The following MEMO1 variants were observed in gnomAD, a reference collection of about 807,000 sequenced individuals.
MEMO1 encodes the protein protein MEMO1.
MEMO1 carries 6 observed loss-of-function variants against 45.2 expected under a neutral mutation model. The observed-to-expected ratio is 0.13, with a 90% CI of 0.07 to 0.26. The LOEUF is 0.26. Ranked by LOEUF, MEMO1 falls within the 10% of genes least tolerant of loss-of-function variation. The pLI is 1.00. For synonymous variants in MEMO1, 78 were observed against 124.3 expected (o/e 0.63, Z 2.48); for missense variants, 184 against 370.5 (o/e 0.50, Z 4.13).
Position 31,891,981 on chromosome 2 carries a change from C to A in MEMO1, c.580+11G>T. 1 of 1,608,704 alleles carries A rather than the reference C, an allele frequency of 6.2e-7. No individual in the cohort carries two copies. The highest frequency in any genetic ancestry group is 1.1e-5 in the South Asian group (1 of 90,792). Reference sequence around the variant, plus strand: ...AACATCTACCATGATATGTTAAAATCTAGAACTTACCCCAATGGCAGAAAT... The same window carrying A: ...AACATCTACCATGATATGTTAAAATATAGAACTTACCCCAATGGCAGAAAT... On this transcript the variant is annotated intron_variant, in intron 7 of 9. Coordinates refer to ENST00000404530, the MANE Select transcript of MEMO1 (RefSeq NM_001301833.4).
Position 31,992,092 on chromosome 2 carries a change from TTC to T in MEMO1, c.61+18093_61+18094del, listed in dbSNP as rs1429307677. Among the ~76,000 whole-genome samples the T allele has an allele frequency of 3.3e-5, 5 of 152,188 alleles. No individual in the cohort carries two copies. The South Asian group carries it at 6.2e-4, about 19-fold the overall frequency. On this transcript the variant is annotated intron_variant, in intron 2 of 9. Coordinates refer to ENST00000404530, the MANE Select transcript of MEMO1 (RefSeq NM_001301833.4). ...AGCTTAACAAAAATTCTTAAATTAT[TTC>T]TGTCACTTTTCCTAATAGTCAACAT...
intron 9 of MEMO1, 38 bp from the exon 10 acceptor site, chr2:31,868,530 A>T (rs757369264): frequency 1.6e-5 from 24 of 1,543,812 alleles, no homozygotes; most frequent in Non-Finnish European, 2.1e-5. Context: ...CACACATCAC[A>T]TAAAAAACTG....
intron 6 of MEMO1, among the ~76,000 whole-genome samples, chr2:31,905,358 T>A (rs1434305804): frequency 6.6e-6 from 1 of 152,222 alleles, no homozygotes; most frequent in East Asian, 1.9e-4. Flanking sequence ...AACATTTAAG[T>A]CATTATAAAT....
chr2:31,943,524 T>C (rs1000956049), intron 2 of MEMO1, 141 bp from the exon 3 acceptor site: 226 of 677,932 alleles, frequency 3.3e-4, no homozygotes, highest in Non-Finnish European at 3.9e-4. Context: ...GATGTTAATG[T>C]TTGAATTTAC....
chr2:31,955,099 G>A (rs780530761), intron 2 of MEMO1, among the ~76,000 whole-genome samples: 13 of 151,920 alleles, frequency 8.6e-5, no homozygotes, highest in Non-Finnish European at 5.9e-5. Flanking sequence ...AAAATTAGCC[G>A]GGTGTGGTGG....
intron 5 of MEMO1, among the ~76,000 whole-genome samples, chr2:31,920,164 C>A (rs992715894): frequency 7.3e-6 from 1 of 137,652 alleles, no homozygotes; most frequent in Non-Finnish European, 1.5e-5. Context: ...TAAAATTACT[C>A]CCCCCCCCAA....
intron 2 of MEMO1, among the ~76,000 whole-genome samples, chr2:31,981,243 T>TA (rs1558551825): frequency 1.3e-5 from 2 of 152,176 alleles, no homozygotes; most frequent in Non-Finnish European, 2.9e-5. Flanking sequence ...CAGGAGTAGT[T>TA]AGAGTAAAGT....
chr2:31,905,114 G>A (rs1679472179), intron 6 of MEMO1, among the ~76,000 whole-genome samples: 1 of 152,124 alleles, frequency 6.6e-6, no homozygotes, highest in Admixed American at 6.6e-5. Context: ...CACACCTGCA[G>A]TCCCAGCTAT....
At chr2:31,880,845 C>A (rs1158040608) in intron 8 of MEMO1, among the ~76,000 whole-genome samples, 1 of 151,270 alleles carries the variant, frequency 6.6e-6, no homozygotes, top group African/African-American at 2.4e-5. Context: ...ATGGCGAAAC[C>A]CCATCTCTAA....
At chr2:31,868,590 CTAGATTATCTCT>C (rs1262080045) in intron 9 of MEMO1, 98 bp from the exon 10 acceptor site, 3 of 1,123,574 alleles carry the variant, frequency 2.7e-6, no homozygotes, top group Non-Finnish European at 3.5e-6. Flanking sequence ...CAGCTGAAGC[CTAGATTATCTCT>C]TTTGCTCTTT....
In MEMO1 at chr2:32,010,139, G is replaced by T. The variant is rs1269487572; in HGVS notation, c.61+48C>A. ...CGCCGACCTCGGCCGGCCGGGCGTGGGGCCAGGCGGCGACGGCGGCGGGCG... is the reference window on the plus strand; with the variant it reads ...CGCCGACCTCGGCCGGCCGGGCGTGTGGCCAGGCGGCGACGGCGGCGGGCG... On this transcript the variant is annotated intron_variant, in intron 2 of 9. Coordinates refer to ENST00000404530, the MANE Select transcript of MEMO1 (RefSeq NM_001301833.4). The T allele has an allele frequency of 5.6e-6, 6 of 1,070,400 alleles. No individual in the cohort carries two copies. In the South Asian group the frequency reaches 1.0e-4, roughly 18 times the overall value. The allele number at this position is 1,070,400 out of a possible 1,614,324, so 66.3% of individuals were successfully genotyped here.
At chr2:31,978,093 A>C (rs558900637) in intron 2 of MEMO1, among the ~76,000 whole-genome samples, 1 of 152,040 alleles carries the variant, frequency 6.6e-6, no homozygotes, top group Non-Finnish European at 1.5e-5. Flanking sequence ...CGCTGTATTA[A>C]AAGAGAAATG....
intron 2 of MEMO1, among the ~76,000 whole-genome samples, chr2:31,962,709 T>C (rs757202893): frequency 2.6e-5 from 4 of 152,184 alleles, no homozygotes; most frequent in East Asian, 1.9e-4. Context: ...AAAAGTATCA[T>C]CAAAGGGCAT....
At chr2:31,869,630 CT>C (rs1673372443) in intron 9 of MEMO1, among the ~76,000 whole-genome samples, 1 of 151,986 alleles carries the variant, frequency 6.6e-6, no homozygotes, top group African/African-American at 2.4e-5. Context: ...TTCTAAATAA[CT>C]TTTTGTATTT....
chr2:31,870,549 A>C (rs1383875624), intron 8 of MEMO1, among the ~76,000 whole-genome samples: 2 of 152,214 alleles, frequency 1.3e-5, no homozygotes, highest in Non-Finnish European at 2.9e-5. Context: ...AATTAATTTA[A>C]AGCTCATGAT....
rs536463207 is a variant in MEMO1, at chr2:31,934,484, CAAGAA to C, written c.144-2354_144-2350del. 4.7e-4 allele frequency among the ~76,000 whole-genome samples: 68 copies of C among 143,904 alleles called. No homozygotes were observed. The South Asian group carries it at 6.8e-3, about 14-fold the overall frequency. The allele number at this position is 143,904 out of a possible 152,430, so 94.4% of individuals were successfully genotyped here. On this transcript the variant is annotated intron_variant, in intron 3 of 9. Coordinates refer to ENST00000404530, the MANE Select transcript of MEMO1 (RefSeq NM_001301833.4). The stretch of plus-strand genomic sequence containing the variant: ...ATTTCAAAATTAAAAAAAAAAAAAA[CAAGAA>C]AAGAAAGAATCATTGGATTCTTTAT...
At chr2:31,991,687 A>ATG (rs1671976479) in intron 2 of MEMO1, among the ~76,000 whole-genome samples, 1 of 80 alleles carries the variant, frequency 0.013, no homozygotes, top group Non-Finnish European at 0.023. Context: ...TAATTCAAAC[A>ATG]TTTCCAATTT....
chr2:31,938,573 G>A (rs954766278), intron 3 of MEMO1, among the ~76,000 whole-genome samples: 12 of 151,764 alleles, frequency 7.9e-5, no homozygotes, highest in South Asian at 6.2e-4. Context: ...GCGTGAACCC[G>A]GCAGGTGGAG....
intron 5 of MEMO1, among the ~76,000 whole-genome samples, chr2:31,920,015 A>C (rs549501075): frequency 6.6e-6 from 1 of 152,006 alleles, no homozygotes; most frequent in Non-Finnish European, 1.5e-5. Context: ...AACTGAAAGG[A>C]CATATACCCA....
Sources: gnomAD v4.1 joint callset for allele counts (sites outside exome capture counted in the v4.1 genomes callset) on GRCh38, gnomAD v4.1.1 for gene constraint, MANE v1.5 for transcripts, NCBI Gene and HGNC (gene_info 2026-07-23, HGNC 2026-07-21) for gene names.